The following PPP2R2B variants were observed in gnomAD, a reference collection of about 807,000 sequenced individuals.
PPP2R2B encodes the protein protein phosphatase 2 regulatory subunit Bbeta.
In PPP2R2B, 5 loss-of-function variants were observed where a neutral mutation model predicts 46.0. The observed-to-expected ratio is 0.11, with a 90% confidence interval of 0.06 to 0.23. The LOEUF is 0.23. Among genes scored for constraint, PPP2R2B ranks in the 10% least tolerant of loss-of-function variants. PPP2R2B has a pLI of 1.00. For synonymous variants in PPP2R2B, 215 were observed against 206.7 expected (o/e 1.04, Z -0.34); for missense variants, 367 against 575.0 (o/e 0.64, Z 3.70).
At chr5:146,785,325 T>C (rs1014464572) in intron 2 of PPP2R2B, among the ~76,000 whole-genome samples, 1 of 152,160 alleles carries the variant, frequency 6.6e-6, no homozygotes, top group African/African-American at 2.4e-5. Flanking sequence ...GGCAGGCAGA[T>C]TGCTTGAGCC....
intron 1 of PPP2R2B, among the ~76,000 whole-genome samples, chr5:147,022,070 A>G (rs2151885595): frequency 6.6e-6 from 1 of 152,326 alleles, no homozygotes; most frequent in South Asian, 2.1e-4. Flanking sequence ...CAAACACAAA[A>G]TAAGTTAAAA....
chr5:146,753,853 C>CA (rs763739963), intron 2 of PPP2R2B, among the ~76,000 whole-genome samples: 2 of 152,066 alleles, frequency 1.3e-5, no homozygotes, highest in African/African-American at 2.4e-5. Flanking sequence ...TAACACTAAT[C>CA]AACCTGAATC....
intron 9 of PPP2R2B, among the ~76,000 whole-genome samples, chr5:146,591,551 C>A (rs1022427851): frequency 6.6e-6 from 1 of 151,952 alleles, no homozygotes; most frequent in African/African-American, 2.4e-5. Flanking sequence ...ACCCTCAAAC[C>A]CACATATGGT....
chr5:146,854,167 A>C (rs1262688846), intron 2 of PPP2R2B, among the ~76,000 whole-genome samples: 1 of 152,142 alleles, frequency 6.6e-6, no homozygotes, highest in African/African-American at 2.4e-5. Flanking sequence ...ATCTGCTGAC[A>C]CACATTAAAT....
chr5:146,950,457 T>G (rs1764618460), intron 1 of PPP2R2B, among the ~76,000 whole-genome samples: 1 of 152,018 alleles, frequency 6.6e-6, no homozygotes, highest in Non-Finnish European at 1.5e-5. Flanking sequence ...AAATTTAAGT[T>G]TCAAGTTGGC....
At chr5:146,799,632 G>T (rs1756745767) in intron 2 of PPP2R2B, among the ~76,000 whole-genome samples, 1 of 152,176 alleles carries the variant, frequency 6.6e-6, no homozygotes, top group Non-Finnish European at 1.5e-5. Context: ...GCAAGACTGG[G>T]AATGAAGCAT....
At chr5:146,606,762 T>C (rs1185847370) in intron 7 of PPP2R2B, among the ~76,000 whole-genome samples, 1 of 152,206 alleles carries the variant, frequency 6.6e-6, no homozygotes, top group Non-Finnish European at 1.5e-5. Flanking sequence ...GTTTCTGAAC[T>C]ATCCCTTGAA....
intron 1 of PPP2R2B, among the ~76,000 whole-genome samples, chr5:147,000,359 A>G (rs1754114482): frequency 2.0e-5 from 3 of 152,116 alleles, no homozygotes; most frequent in Middle Eastern, 3.4e-3. Context: ...ACTTCTTTAA[A>G]CAGAGAGGCA....
intron 8 of PPP2R2B, among the ~76,000 whole-genome samples, chr5:146,594,131 T>G (rs936817500): frequency 2.6e-5 from 4 of 152,198 alleles, no homozygotes; most frequent in African/African-American, 9.6e-5. Context: ...GGTTTAGAGA[T>G]GTCTACATGT....
chr5:146,864,549 C>A (rs1761196850), intron 2 of PPP2R2B, among the ~76,000 whole-genome samples: 1 of 151,950 alleles, frequency 6.6e-6, no homozygotes, highest in Non-Finnish European at 1.5e-5. Context: ...AGAAAATTAA[C>A]ATTTCTGGGT....
At chr5:146,660,221 T>C (rs1376323036) in intron 5 of PPP2R2B, among the ~76,000 whole-genome samples, 3 of 152,182 alleles carry the variant, frequency 2.0e-5, no homozygotes, top group Non-Finnish European at 4.4e-5. Context: ...ATAGAGTATG[T>C]ACAATGACTG....
chr5:146,924,774 T>C (rs1365717709), intron 1 of PPP2R2B, among the ~76,000 whole-genome samples: 2 of 152,166 alleles, frequency 1.3e-5, no homozygotes, highest in African/African-American at 4.8e-5. Context: ...TTTATTTCCC[T>C]CTTTACTAAA....
At chr5:146,803,998 T>C (rs1204678885) in intron 2 of PPP2R2B, among the ~76,000 whole-genome samples, 2 of 151,926 alleles carry the variant, frequency 1.3e-5, no homozygotes, top group Non-Finnish European at 2.9e-5. Context: ...AAACCCCGTC[T>C]CTACTAGAAA....
At chr5:147,015,632 G>T (rs1423454085) in intron 1 of PPP2R2B, among the ~76,000 whole-genome samples, 2 of 151,558 alleles carry the variant, frequency 1.3e-5, no homozygotes, top group African/African-American at 4.8e-5. Flanking sequence ...AGAGAGCATA[G>T]CTATGGTTAA....
chr5:146,866,693 G>A lies in PPP2R2B; in HGVS notation c.70+11309C>T, dbSNP rs62373290. Among the ~76,000 whole-genome samples, 1,180 of 152,040 alleles carry A rather than the reference G, an allele frequency of 7.8e-3. 9 individuals carry two copies. Among genetic ancestry groups the A allele is most frequent in the Non-Finnish European group, 0.012 (830 of 67,990 alleles). On this transcript the variant is annotated intron_variant, in intron 2 of 9. Coordinates refer to ENST00000394411, the MANE Select transcript of PPP2R2B (RefSeq NM_181675.4). ...CTATATCATATATACATCATATGTA[G>A]TATACCATAGATACATAATACATAG...
At chr5:146,935,791 G>C (rs1414483063) in intron 1 of PPP2R2B, among the ~76,000 whole-genome samples, 4 of 152,082 alleles carry the variant, frequency 2.6e-5, no homozygotes, top group African/African-American at 9.7e-5. Flanking sequence ...CTAGAGGAGG[G>C]AGCATGTCTT....
chr5:146,962,434 G>T (rs142437131), intron 1 of PPP2R2B, among the ~76,000 whole-genome samples: 2,198 of 151,826 alleles, frequency 0.014, 41 homozygotes, highest in African/African-American at 0.05. Context: ...CAAGGCGGGT[G>T]GATCACGAGG....
intron 2 of PPP2R2B, among the ~76,000 whole-genome samples, chr5:146,762,548 C>T (rs909353861): frequency 9.2e-5 from 14 of 152,302 alleles, no homozygotes; most frequent in South Asian, 4.1e-4. Flanking sequence ...ATTCTCACAA[C>T]AGTTTTTAGT....
rs146332112 is a variant in PPP2R2B, at chr5:146,902,260, A to G, written c.79+153405T>C. ...GTCAAAATACTTCCTGAGTCCCTATAGTAGTCAAACAGCAAAATATTGTCA... is the reference window on the plus strand; with the variant it reads ...GTCAAAATACTTCCTGAGTCCCTATGGTAGTCAAACAGCAAAATATTGTCA... On this transcript the variant is annotated intron_variant, in intron 1 of 8. Transcript: ENST00000336640. Among the ~76,000 whole-genome samples the G allele has an allele frequency of 6.7e-3, 1,020 of 152,238 alleles. 7 individuals carry two copies. Among genetic ancestry groups the G allele is most frequent in the Admixed American group, 9.7e-3 (149 of 15,286 alleles).
Sources: gnomAD v4.1 joint callset for allele counts (sites outside exome capture counted in the v4.1 genomes callset) on GRCh38, gnomAD v4.1.1 for gene constraint, MANE v1.5 for transcripts, NCBI Gene and HGNC (gene_info 2026-07-23, HGNC 2026-07-21) for gene names.